TSFM: variants seen among roughly 807,000 people sequenced by gnomAD.
The protein encoded by TSFM is Ts translation elongation factor, mitochondrial, also known as elongation factor Ts, mitochondrial.
TSFM carries 29 observed loss-of-function variants against 33.4 expected under a neutral mutation model. The ratio of observed to expected loss-of-function variants is 0.87; its 90% CI spans 0.65 to 1.18. The LOEUF (loss-of-function observed/expected upper bound fraction) is 1.18, where lower values mean the gene tolerates loss of function less well. Among genes scored for constraint, TSFM ranks in the 50% most tolerant of loss-of-function variants. The pLI is 0.00. For synonymous variants in TSFM, 178 were observed against 163.5 expected (o/e 1.09, Z -0.68); for missense variants, 394 against 395.6 (o/e 1.00, Z 0.04).
intron 4 of TSFM, among the ~76,000 whole-genome samples, chr12:57,788,061 C>CA (rs1491272745): frequency 6.6e-6 from 1 of 152,226 alleles, no homozygotes; most frequent in Non-Finnish European, 1.5e-5. Flanking sequence ...ACCAACCACT[C>CA]ACAGTAATTT....
downstream of TSFM, chr12:57,797,793 C>T (rs1387785355): frequency 1.9e-6 from 2 of 1,062,906 alleles, no homozygotes; most frequent in Non-Finnish European, 2.6e-6. Flanking sequence ...AGCTGAATGT[C>T]AGGCAGAAAT....
intron 2 of TSFM, chr12:57,783,815 C>T (rs1298224709): frequency 8.1e-6 from 5 of 619,664 alleles, no homozygotes; most frequent in South Asian, 3.9e-5. Flanking sequence ...GGGGTTTCGC[C>T]GTGTCGGCCA....
Position 57,783,141 on chromosome 12 carries a change from C to T in TSFM, c.89C>T (p.Pro30Leu). 1 of 1,612,358 alleles carries T rather than the reference C, an allele frequency of 6.2e-7. No homozygotes were observed. The highest frequency in any genetic ancestry group is 8.5e-7 in the Non-Finnish European group (1 of 1,179,854). Residue 30 changes from proline to leucine, a missense_variant, in exon 2 of 6, where the codon CCA becomes CTA. By Grantham distance (98) the Pro-to-Leu change is moderately conservative. Around this residue, in one of 3 missense-constraint regions of TSFM, gnomAD observed 208 missense variants for 180.4 expected, o/e 1.15. Transcript: ENST00000652027. ...TCTCTTCTGCGTCAGTCGCCCCAGCCAAGGCACACATTTTATGCTGGGCCC... is the reference window on the plus strand; with the variant it reads ...TCTCTTCTGCGTCAGTCGCCCCAGCTAAGGCACACATTTTATGCTGGGCCC... Reference protein sequence around the residue: ...AGSLLRQSPQPRHTFYAGPRL... With the variant: ...AGSLLRQSPQLRHTFYAGPRL...
chr12:57,796,122 C>T (rs930414901), intron 5 of TSFM, 55 bp from the exon 6 acceptor site: 3 of 1,490,272 alleles, frequency 2.0e-6, no homozygotes, highest in Admixed American at 4.4e-5. Context: ...ATTTTGGTAC[C>T]ATCACAGACA....
Position 57,783,038 on chromosome 12 carries a change from C to T in TSFM, c.58-72C>T. 2.6e-6 allele frequency: 4 copies of T among 1,545,196 alleles called. No homozygotes were observed. The Admixed American group carries it at 5.5e-5, about 21-fold the overall frequency. On this transcript the variant is annotated intron_variant, in intron 1 of 5. Transcript: ENST00000652027. ...CACTGTCCGCTCCCTAAGGTCGCTTCCCTGCCCGTGTACCCTTCACCCTCT... is the reference window on the plus strand; with the variant it reads ...CACTGTCCGCTCCCTAAGGTCGCTTTCCTGCCCGTGTACCCTTCACCCTCT...
chr12:57,798,153 T>A (rs985261754), downstream of TSFM, among the ~76,000 whole-genome samples: 1 of 152,198 alleles, frequency 6.6e-6, no homozygotes, highest in African/African-American at 2.4e-5. Context: ...AAATTATTCA[T>A]TGGAGAGGTG....
intron 4 of TSFM, among the ~76,000 whole-genome samples, chr12:57,787,653 G>A (rs1955607765): frequency 6.6e-6 from 1 of 152,198 alleles, no homozygotes; most frequent in South Asian, 2.1e-4. Context: ...TTGGAGCCAG[G>A]TGTGGTGGCT....
intron 4 of TSFM, among the ~76,000 whole-genome samples, chr12:57,791,543 T>C (rs1248623460): frequency 6.6e-6 from 1 of 152,240 alleles, no homozygotes; most frequent in Non-Finnish European, 1.5e-5. Context: ...GTTGCACAGA[T>C]AGTAGTATAA....
chr12:57,791,916 A>T (rs1955667108), intron 4 of TSFM: 1 of 367,838 alleles, frequency 2.7e-6, no homozygotes, highest in Non-Finnish European at 5.5e-6. Flanking sequence ...AAATGTGCAA[A>T]TCTAGCTCTA....
At chr12:57,802,404 T>C, downstream of TSFM, 1 of 1,523,524 alleles carries the variant, frequency 6.6e-7, no homozygotes, top group Non-Finnish European at 8.9e-7. Context: ...GACTAAGTAC[T>C]AGATCATACA....
downstream of TSFM, among the ~76,000 whole-genome samples, chr12:57,799,009 A>G (rs1955792681): frequency 6.6e-6 from 1 of 152,232 alleles, no homozygotes; most frequent in Admixed American, 6.5e-5. Context: ...GGTGCAGAGA[A>G]GCTGAGAATA....
At chr12:57,799,878 C>T, downstream of TSFM, 1 of 1,614,180 alleles carries the variant, frequency 6.2e-7, no homozygotes, top group Non-Finnish European at 8.5e-7. Context: ...TATTTTGGCT[C>T]ACTGTCATTA....
intron 1 of TSFM, 76 bp from the exon 2 acceptor site, chr12:57,783,034 G>A: frequency 2.0e-6 from 3 of 1,537,618 alleles, no homozygotes; most frequent in Admixed American, 1.9e-5. Context: ...CCCTAAGGTC[G>A]CTTCCCTGCC....
chr12:57,788,024 T>C (rs1453414149), intron 4 of TSFM, among the ~76,000 whole-genome samples: 1 of 152,228 alleles, frequency 6.6e-6, no homozygotes, highest in East Asian at 1.9e-4. Flanking sequence ...TGCCTTTGAC[T>C]CAGCCTTATT....
At chr12:57,787,559 G>A (rs1242814683) in intron 4 of TSFM, among the ~76,000 whole-genome samples, 3 of 152,162 alleles carry the variant, frequency 2.0e-5, no homozygotes, top group African/African-American at 7.2e-5. Flanking sequence ...GTGAAATGGA[G>A]TTAGCCAGAT....
downstream of TSFM, chr12:57,800,122 TG>T (rs1955817890): frequency 1.5e-6 from 1 of 654,382 alleles, no homozygotes; most frequent in African/African-American, 1.8e-5. Context: ...GGGTTGTTCT[TG>T]GGAAAGCTGA....
rs1424718116 is a variant in TSFM, at chr12:57,796,903, A to G, written c.*320A>G. On this transcript the variant is annotated 3_prime_UTR_variant, in exon 6 of 6. Coordinates refer to ENST00000652027, the MANE Select transcript of TSFM (RefSeq NM_005726.6). The stretch of plus-strand genomic sequence containing the variant: ...TTATATGTTCTGTCTTACACCTTTT[A>G]TGACATAGAACTCTTTTGTTCTGTT... 2 of 1,014,636 alleles carry G rather than the reference A, an allele frequency of 2.0e-6. No homozygotes were observed. The highest frequency in any genetic ancestry group is 2.4e-6 in the Non-Finnish European group (2 of 850,100). 62.9% of individuals were successfully genotyped at this position (1,014,636 alleles called of 1,614,324 possible). A position where few individuals can be genotyped will look rare whatever the true frequency, so the allele number is the denominator to read the frequency against.
intron 2 of TSFM, chr12:57,783,939 A>C: frequency 2.8e-6 from 2 of 702,752 alleles, no homozygotes; most frequent in Non-Finnish European, 5.2e-6. Context: ...TTAATCTTTC[A>C]GAGTTGTGTA....
At position 57,796,405 on chromosome 12, in the gene TSFM, C is replaced by G; in HGVS notation, c.800C>G (p.Ser267Cys). The part of the protein sequence containing the change: ...GQHVVGMAPL[S>C]VGSLDDEPGG... ...CATGTGGTGGGCATGGCCCCCCTCT[C>G]TGTTGGCTCCCTGGACGATGAGCCT... The change falls in exon 6 of 6, where the codon TCT becomes TGT. Residue 267 changes from serine to cysteine, a missense_variant. Coordinates refer to ENST00000652027, the MANE Select transcript of TSFM (RefSeq NM_005726.6). 1 of 1,602,342 alleles carries G rather than the reference C, an allele frequency of 6.2e-7. No individual in the cohort carries two copies. Among genetic ancestry groups the G allele is most frequent in the Non-Finnish European group, 8.5e-7 (1 of 1,174,232 alleles).
Sources: gnomAD v4.1 joint callset for allele counts (sites outside exome capture counted in the v4.1 genomes callset) on GRCh38, gnomAD v4.1.1 for gene constraint, gnomAD v4.1.1 regional missense constraint, MANE v1.5 for transcripts, NCBI Gene and HGNC (gene_info 2026-07-23, HGNC 2026-07-21) for gene names.